The following FBXO42 variants were observed in gnomAD, a reference collection of about 807,000 sequenced individuals.
FBXO42 encodes the protein F-box protein 42.
Under a neutral mutation model 71.7 loss-of-function variants are expected in FBXO42, and 12 were observed. That is an observed-to-expected ratio of 0.17 (90% CI 0.11 to 0.27). The LOEUF is 0.27. Among genes scored for constraint, FBXO42 ranks in the 10% least tolerant of loss-of-function variants. FBXO42 has a pLI of 1.00. For missense variants in FBXO42, 707 were observed against 911.9 expected, an observed-to-expected ratio of 0.78 and a Z score of 2.89; for synonymous variants, 325 against 327.5, an observed-to-expected ratio of 0.99 and a Z score of 0.08.
chr1:16,329,829 A>G (rs2082481718), intron 1 of FBXO42, among the ~76,000 whole-genome samples: 1 of 149,832 alleles, frequency 6.7e-6, no homozygotes, highest in East Asian at 2.0e-4. Flanking sequence ...CGCACCTGTA[A>G]GCCCAGCTAC....
At position 16,295,816 on chromosome 1, in the gene FBXO42, G is replaced by A. The variant is rs11800892; in HGVS notation, c.368-899C>T. Among the ~76,000 whole-genome samples the A allele has an allele frequency of 6.4e-3, 971 of 152,262 alleles. 5 individuals are homozygous for A. The highest frequency in any genetic ancestry group is 0.022 in the African/African-American group (931 of 41,536). On this transcript the variant is annotated intron_variant, in intron 3 of 9. Coordinates refer to ENST00000375592, the MANE Select transcript of FBXO42 (RefSeq NM_018994.3). ...TTATTAATTCCAAAGGCCAGTGGGG[G>A]AAACTCAATAGTAGTATGGTCTTGG...
chr1:16,331,742 A>AAAATAAATAAAT (rs912056359), intron 1 of FBXO42, among the ~76,000 whole-genome samples: 1 of 149,212 alleles, frequency 6.7e-6, no homozygotes, highest in South Asian at 2.1e-4. Context: ...ACTCAGTCTC[A>AAAATAAATAAAT]AAATAAATAA....
At chr1:16,277,500 G>A (rs748761342) in intron 4 of FBXO42, among the ~76,000 whole-genome samples, 20 of 151,808 alleles carry the variant, frequency 1.3e-4, no homozygotes, top group Admixed American at 5.3e-4. Context: ...CGAGGCAAGC[G>A]GATCACTTGA....
At chr1:16,282,540 A>T (rs992400732) in intron 4 of FBXO42, among the ~76,000 whole-genome samples, 1 of 100,170 alleles carries the variant, frequency 1.0e-5, no homozygotes, top group African/African-American at 3.1e-5. Context: ...TCTCTTTTAA[A>T]AAAAAAAAAA....
In FBXO42 at chr1:16,315,339, T is replaced by A. The variant is rs1246182439; in HGVS notation, c.80A>T (p.Asp27Val). The A allele has an allele frequency of 6.2e-6, 10 of 1,614,020 alleles. No individual in the cohort carries two copies. In the East Asian group the frequency reaches 1.8e-4, roughly 29 times the overall value. The stretch of plus-strand genomic sequence containing the variant: ...TACTGGGTGGGGCTCCTCATCTTGA[T>A]CCATTGTCCCTTCCAGCACAGTTTC... Reference protein sequence around the residue: ...QEETVLEGTMDQDEEPHPVLE... With the variant: ...QEETVLEGTMVQDEEPHPVLE... Residue 27 changes from aspartate (D) to valine (V), a missense_variant, in exon 2 of 10, where the codon GAT (aspartate) becomes GTT (valine). Around this residue, in one of 5 missense-constraint regions of FBXO42, gnomAD observed 188 missense variants for 230.5 expected, o/e 0.82. Transcript: ENST00000375592.
chr1:16,311,455 T>C (rs1481691877), intron 2 of FBXO42, among the ~76,000 whole-genome samples: 1 of 140,652 alleles, frequency 7.1e-6, no homozygotes, highest in African/African-American at 2.6e-5. Flanking sequence ...GCCACTGTGC[T>C]CCAACATGGG....
intron 1 of FBXO42, among the ~76,000 whole-genome samples, chr1:16,318,845 C>G (rs770045877): frequency 7.2e-5 from 11 of 152,090 alleles, no homozygotes; most frequent in Non-Finnish European, 1.3e-4. Context: ...TCAGGGGAAT[C>G]TAGTACTGGG....
intron 3 of FBXO42, among the ~76,000 whole-genome samples, chr1:16,303,880 C>T (rs1303669063): frequency 4.0e-5 from 6 of 151,858 alleles, no homozygotes; most frequent in South Asian, 2.1e-4. Context: ...CCAGTAGCTG[C>T]GACTACAGGC....
intron 1 of FBXO42, among the ~76,000 whole-genome samples, chr1:16,348,626 G>A (rs550164453): frequency 5.9e-5 from 9 of 152,248 alleles, no homozygotes; most frequent in Middle Eastern, 3.4e-3. Context: ...GCTGGAACCC[G>A]GGAGGTAGAG....
chr1:16,342,273 G>C (rs145124150), intron 1 of FBXO42, among the ~76,000 whole-genome samples: 1 of 151,516 alleles, frequency 6.6e-6, no homozygotes. Context: ...GCACATGCCT[G>C]TAATCCCAGC....
Position 16,291,778 on chromosome 1 carries a change from C to G in FBXO42, c.502+3005G>C, listed in dbSNP as rs139404871. On this transcript the variant is annotated intron_variant, in intron 4 of 9. Transcript: ENST00000375592. ...CCTTGAACTCCTGGGCTCAAGCAAT[C>G]CTCCCACCTCAACCTCTCAAGTAGC... 2.6e-3 allele frequency among the ~76,000 whole-genome samples: 392 copies of G among 152,086 alleles called. 1 individual carries two copies. The highest frequency in any genetic ancestry group is 8.2e-3 in the African/African-American group (342 of 41,482).
chr1:16,275,932 C>T (rs2081896942), intron 4 of FBXO42, among the ~76,000 whole-genome samples: 1 of 151,714 alleles, frequency 6.6e-6, no homozygotes, highest in Middle Eastern at 3.4e-3. Flanking sequence ...TTGCCAAGAA[C>T]AGCCTTGGCA....
intron 1 of FBXO42, among the ~76,000 whole-genome samples, chr1:16,326,911 TCA>T (rs2082457150): frequency 6.6e-6 from 1 of 152,110 alleles, no homozygotes; most frequent in African/African-American, 2.4e-5. Context: ...CTGAAAACAT[TCA>T]GTTTACTATG....
chr1:16,252,550 A>T lies in FBXO42; in HGVS notation c.922-146T>A. On this transcript the variant is annotated intron_variant, in intron 8 of 9. Coordinates refer to ENST00000375592, the MANE Select transcript of FBXO42 (RefSeq NM_018994.3). The surrounding 1 kb of genome is among the most constrained non-coding windows in gnomAD (Gnocchi z 4.4). ...AGGATAGCAAAATCCTCAGTTAATT[A>T]TTCAGTTGTGCATGCATCCACTTAC... 1.6e-6 allele frequency: 1 copy of T among 628,554 alleles called. No homozygotes were observed. The highest frequency in any genetic ancestry group is 2.6e-5 in the Admixed American group (1 of 38,222). 38.9% of individuals were successfully genotyped at this position (628,554 alleles called of 1,614,324 possible). A position where few individuals can be genotyped will look rare whatever the true frequency, so the allele number is the denominator to read the frequency against.
intron 4 of FBXO42, among the ~76,000 whole-genome samples, chr1:16,280,232 C>T (rs1344221355): frequency 6.6e-6 from 1 of 152,062 alleles, no homozygotes; most frequent in Non-Finnish European, 1.5e-5. Flanking sequence ...TCCAGTCTAA[C>T]CATAAGATAA....
intron 1 of FBXO42, among the ~76,000 whole-genome samples, chr1:16,328,455 G>A (rs1228998829): frequency 6.6e-6 from 1 of 152,190 alleles, no homozygotes; most frequent in Non-Finnish European, 1.5e-5. Context: ...ATAGTTGGCA[G>A]ATGGCTAGAC....
At chr1:16,328,423 T>C (rs1411283668) in intron 1 of FBXO42, among the ~76,000 whole-genome samples, 2 of 152,184 alleles carry the variant, frequency 1.3e-5, no homozygotes, top group Non-Finnish European at 2.9e-5. Flanking sequence ...TACATGTATA[T>C]TGGCATTGAA....
chr1:16,301,284 C>CA (rs1030099289), intron 3 of FBXO42, among the ~76,000 whole-genome samples: 7 of 152,104 alleles, frequency 4.6e-5, no homozygotes, highest in African/African-American at 1.7e-4. Flanking sequence ...ACCTTTGTTG[C>CA]ACTTAAGTCC....
intron 4 of FBXO42, among the ~76,000 whole-genome samples, chr1:16,291,594 C>T (rs987754948): frequency 2.0e-5 from 3 of 151,776 alleles, no homozygotes; most frequent in Non-Finnish European, 4.4e-5. Flanking sequence ...GTTGGCCAGG[C>T]TCGTCTGGAA....
Sources: allele counts gnomAD v4.1 joint callset (sites outside exome capture counted in the v4.1 genomes callset), GRCh38; gene constraint gnomAD v4.1.1; regional missense constraint gnomAD v4.1.1; non-coding constraint Gnocchi (gnomAD v3.1); transcripts MANE v1.5; gene names NCBI Gene and HGNC (gene_info 2026-07-23, HGNC 2026-07-21).